The following ADAM12 variants were observed in gnomAD, a reference collection of about 807,000 sequenced individuals.
ADAM12 encodes disintegrin and metalloproteinase domain-containing protein 12.
Under a neutral mutation model 106.4 loss-of-function variants are expected in ADAM12, and 70 were observed. The ratio of observed to expected loss-of-function variants is 0.66; its 90% CI spans 0.54 to 0.80. The LOEUF (loss-of-function observed/expected upper bound fraction) is 0.80. Among genes scored for constraint, ADAM12 ranks in the 30% least tolerant of loss-of-function variants. The probability of loss-of-function intolerance (pLI) is 0.00; values close to 1 mark genes in which losing one functional copy is unlikely to be tolerated. For synonymous variants in ADAM12, 420 were observed against 433.5 expected, an observed-to-expected ratio of 0.97 and a Z score of 0.39; for missense variants, 1,010 against 1,171.9, an observed-to-expected ratio of 0.86 and a Z score of 2.02.
chr10:126,034,992 A>G (rs1177849256), intron 21 of ADAM12, among the ~76,000 whole-genome samples: 1 of 152,204 alleles, frequency 6.6e-6, no homozygotes, highest in Admixed American at 6.5e-5. Flanking sequence ...CAGAGCTTCA[A>G]AATACATGAA....
chr10:126,026,488 C>T (rs1384741679), intron 21 of ADAM12, among the ~76,000 whole-genome samples: 5 of 152,196 alleles, frequency 3.3e-5, no homozygotes, highest in Non-Finnish European at 7.3e-5. Flanking sequence ...CTTATTACTA[C>T]ACAGCACTTA....
intron 11 of ADAM12, among the ~76,000 whole-genome samples, chr10:126,078,999 T>C (rs1016393682): frequency 2.0e-5 from 3 of 152,172 alleles, no homozygotes; most frequent in African/African-American, 7.2e-5. Context: ...CACATATGCC[T>C]GGACCAGTGG....
At chr10:126,301,945 T>C (rs113577118) in intron 2 of ADAM12, among the ~76,000 whole-genome samples, 2,117 of 152,292 alleles carry the variant, frequency 0.014, 52 homozygotes, top group African/African-American at 0.048. Flanking sequence ...ATGGAACATA[T>C]ATGGGTAGCA....
intron 4 of ADAM12, among the ~76,000 whole-genome samples, chr10:126,139,844 C>T (rs1377718191): frequency 1.3e-5 from 2 of 152,184 alleles, no homozygotes; most frequent in African/African-American, 4.8e-5. Context: ...CAGGTCACCT[C>T]CTTAGCTTTT....
At chr10:126,205,792 G>A (rs1957784432) in intron 3 of ADAM12, among the ~76,000 whole-genome samples, 1 of 152,160 alleles carries the variant, frequency 6.6e-6, no homozygotes, top group South Asian at 2.1e-4. Flanking sequence ...ACATGTTACT[G>A]TCTGTGAAAG....
At chr10:126,270,656 C>T (rs962246368) in intron 3 of ADAM12, among the ~76,000 whole-genome samples, 14 of 152,298 alleles carry the variant, frequency 9.2e-5, no homozygotes, top group Non-Finnish European at 1.3e-4. Context: ...GGTTAAATAG[C>T]GGTGGCGCCA....
At chr10:126,078,718 A>G (rs2133519899) in intron 11 of ADAM12, among the ~76,000 whole-genome samples, 1 of 151,802 alleles carries the variant, frequency 6.6e-6, no homozygotes, top group East Asian at 1.9e-4. Flanking sequence ...CTTTTTTTTG[A>G]ATTTAAAATT....
At chr10:126,356,988 T>G (rs776434976) in intron 1 of ADAM12, among the ~76,000 whole-genome samples, 1 of 152,106 alleles carries the variant, frequency 6.6e-6, no homozygotes, top group Non-Finnish European at 1.5e-5. Context: ...TGACCTAACT[T>G]TTGCATAATA....
intron 3 of ADAM12, among the ~76,000 whole-genome samples, chr10:126,251,874 GGGATGGATGCAAT>G (rs1958776621): frequency 8.1e-6 from 1 of 123,780 alleles, no homozygotes; most frequent in Non-Finnish European, 1.6e-5. Context: ...ATGGATGGAT[GGGATGGATGCAAT>G]GGATGGATGG....
chr10:126,330,206 T>C (rs1354367400), intron 2 of ADAM12, among the ~76,000 whole-genome samples: 3 of 152,222 alleles, frequency 2.0e-5, no homozygotes, highest in Non-Finnish European at 4.4e-5. Flanking sequence ...TTTCAGTAGA[T>C]GCAAATAATG....
intron 3 of ADAM12, among the ~76,000 whole-genome samples, chr10:126,199,251 G>A (rs1957652873): frequency 6.6e-6 from 1 of 152,186 alleles, no homozygotes; most frequent in African/African-American, 2.4e-5. Context: ...CTTGGACAAT[G>A]ACAGGAGGAT....
At chr10:126,339,975 C>T (rs1279227305) in intron 1 of ADAM12, among the ~76,000 whole-genome samples, 2 of 151,650 alleles carry the variant, frequency 1.3e-5, no homozygotes, top group South Asian at 2.1e-4. Context: ...CTGCTTCAGC[C>T]TCCGGAGTAG....
intron 3 of ADAM12, among the ~76,000 whole-genome samples, chr10:126,177,513 C>T (rs1490855866): frequency 6.6e-6 from 1 of 152,124 alleles, no homozygotes; most frequent in Admixed American, 6.5e-5. Context: ...ATTAGAGATA[C>T]CAGACTGGGA....
chr10:126,300,313 C>G (rs931001188), intron 2 of ADAM12, among the ~76,000 whole-genome samples: 5 of 152,148 alleles, frequency 3.3e-5, no homozygotes, highest in African/African-American at 1.2e-4. Flanking sequence ...CTGACAGGAC[C>G]TGGGCACTGG....
Position 126,109,899 on chromosome 10 carries a change from C to G in ADAM12, c.604-59G>C, listed in dbSNP as rs1565064729. The G allele has an allele frequency of 1.1e-5, 16 of 1,502,756 alleles. No homozygotes were observed. The Admixed American group carries it at 1.7e-4, about 16-fold the overall frequency. The allele number at this position is 1,502,756 out of a possible 1,614,324, so 93.1% of individuals were successfully genotyped here. ...AATGCCTCTCTGGCATTAAGACTGT[C>G]AATGTCTCTCAATCTAAACACTTTA... is the stretch of plus-strand genomic sequence containing the variant. On this transcript the variant is annotated intron_variant, in intron 6 of 22. Coordinates refer to ENST00000448723, the MANE Select transcript of ADAM12 (RefSeq NM_001288973.2).
chr10:126,189,226 C>T (rs77101888), intron 3 of ADAM12, among the ~76,000 whole-genome samples: 5,270 of 152,188 alleles, frequency 0.035, 123 homozygotes, highest in Middle Eastern at 0.054. Context: ...CATAGAAAAC[C>T]GAGCAAGGTG....
chr10:126,188,310 C>A (rs1275791671), intron 3 of ADAM12, among the ~76,000 whole-genome samples: 3 of 144,118 alleles, frequency 2.1e-5, no homozygotes, highest in Non-Finnish European at 4.4e-5. Context: ...CCATGTGTAC[C>A]ACTGGGTGTG....
chr10:126,242,798 C>T (rs1958552124), intron 3 of ADAM12, among the ~76,000 whole-genome samples: 1 of 152,124 alleles, frequency 6.6e-6, no homozygotes, highest in African/African-American at 2.4e-5. Flanking sequence ...CACAGGTCTG[C>T]CTCCCAGCTC....
Position 126,289,783 on chromosome 10 carries a change from G to A in ADAM12, c.187-10795C>T, listed in dbSNP as rs573099859. Among the ~76,000 whole-genome samples the A allele has an allele frequency of 9.2e-5, 14 of 152,310 alleles. No homozygotes were observed. The East Asian group carries it at 1.2e-3, about 13-fold the overall frequency. On this transcript the variant is annotated intron_variant, in intron 2 of 22. Transcript: ENST00000448723. The stretch of plus-strand genomic sequence containing the variant: ...TCAGGCTAGAAGGCTACGGTCAGAC[G>A]GCAGCTGTGGGCCATGGACTGAGGG...
Sources: allele counts gnomAD v4.1 joint callset (sites outside exome capture counted in the v4.1 genomes callset), GRCh38; gene constraint gnomAD v4.1.1; transcripts MANE v1.5; gene names NCBI Gene and HGNC (gene_info 2026-07-23, HGNC 2026-07-21).